The following SLMAP variants were observed in gnomAD, a reference collection of about 807,000 sequenced individuals.
SLMAP encodes the protein sarcolemmal membrane-associated protein.
In SLMAP, 44 loss-of-function variants were observed where a neutral mutation model predicts 128.8. That is an observed-to-expected ratio of 0.34 (90% CI 0.27 to 0.44). The LOEUF (loss-of-function observed/expected upper bound fraction) is 0.44. Ranked by LOEUF, SLMAP falls within the 20% of genes least tolerant of loss-of-function variation. The pLI, the probability that SLMAP is intolerant of heterozygous loss-of-function variation, is 1.00. For synonymous variants in SLMAP, 327 were observed against 348.8 expected (o/e 0.94, Z 0.70); for missense variants, 787 against 985.3 (o/e 0.80, Z 2.69).
chr3:57,888,350 C>T (rs1363765647), intron 14 of SLMAP, among the ~76,000 whole-genome samples: 1 of 152,028 alleles, frequency 6.6e-6, no homozygotes, highest in East Asian at 1.9e-4. Context: ...ATAGGCCAGG[C>T]GCAGTGGCTC....
In SLMAP at chr3:57,925,917, C is replaced by T. The variant is rs1019974032; in HGVS notation, c.2518C>T (p.Pro840Ser). ...GGCTTTCCTGTTTTGGTGTTTCGGTCCATTGTGGTAGAGAAAGGTACAAGC... is the reference window on the plus strand; with the variant it reads ...GGCTTTCCTGTTTTGGTGTTTCGGTTCATTGTGGTAGAGAAAGGTACAAGC... Reference protein sequence around the residue: ...FLAFLFWCFGPLW With the variant: ...FLAFLFWCFGSLW The change falls in exon 24 of 25, where the codon CCA (proline) becomes TCA (serine). Residue 840 changes from proline to serine, a missense_variant. Pro to Ser is a moderately conservative substitution (Grantham distance 74). Around this residue, in one of 2 missense-constraint regions of SLMAP, gnomAD observed 715 missense variants for 843.6 expected, o/e 0.85. Transcript: ENST00000671191. 74 of 1,550,730 alleles carry T rather than the reference C, an allele frequency of 4.8e-5. No individual in the cohort carries two copies. The highest frequency in any genetic ancestry group is 6.0e-5 in the Non-Finnish European group (69 of 1,146,726).
chr3:57,898,296 G>T (rs1347963245), intron 17 of SLMAP: 2 of 152,126 alleles, frequency 1.3e-5, no homozygotes, highest in East Asian at 1.9e-4. Flanking sequence ...GTAAAATGTA[G>T]TTACTGATAC....
intron 2 of SLMAP, among the ~76,000 whole-genome samples, chr3:57,786,268 G>A (rs1297986185): frequency 6.6e-6 from 1 of 152,118 alleles, no homozygotes; most frequent in Non-Finnish European, 1.5e-5. Flanking sequence ...TCCTTTCAGG[G>A]GTTCAGGCTG....
chr3:57,853,410 A>AG (rs1354243750), intron 6 of SLMAP, among the ~76,000 whole-genome samples: 3 of 152,204 alleles, frequency 2.0e-5, no homozygotes, highest in Non-Finnish European at 4.4e-5. Flanking sequence ...TTAAACCTCA[A>AG]GTACTATGTT....
chr3:57,760,915 C>T (rs1201902139), intron 2 of SLMAP, among the ~76,000 whole-genome samples: 8 of 151,942 alleles, frequency 5.3e-5, no homozygotes, highest in African/African-American at 1.9e-4. Context: ...TTAGTAGAGA[C>T]AGGGTTTCTC....
chr3:57,921,595 C>T (rs1054954038), intron 22 of SLMAP, among the ~76,000 whole-genome samples: 12 of 152,128 alleles, frequency 7.9e-5, no homozygotes, highest in Admixed American at 1.3e-4. Flanking sequence ...CACTCCACTC[C>T]AGCCTGGGTG....
At chr3:57,820,997 G>A (rs1244729505) in intron 2 of SLMAP, among the ~76,000 whole-genome samples, 1 of 152,118 alleles carries the variant, frequency 6.6e-6, no homozygotes, top group Non-Finnish European at 1.5e-5. Context: ...ATTCAACATA[G>A]GTGTCTGAGA....
chr3:57,810,632 C>T (rs748340388), intron 2 of SLMAP, among the ~76,000 whole-genome samples: 2 of 152,198 alleles, frequency 1.3e-5, no homozygotes, highest in African/African-American at 2.4e-5. Flanking sequence ...TCTGGTAAGG[C>T]ATTCATCTTC....
chr3:57,924,905 G>A (rs2096975320), intron 23 of SLMAP, among the ~76,000 whole-genome samples: 1 of 151,564 alleles, frequency 6.6e-6, no homozygotes, highest in African/African-American at 2.4e-5. Context: ...GTCAAGCAGA[G>A]AGCATCAGCT....
chr3:57,810,912 C>T (rs1385767070), intron 2 of SLMAP, among the ~76,000 whole-genome samples: 1 of 152,158 alleles, frequency 6.6e-6, no homozygotes, highest in Non-Finnish European at 1.5e-5. Flanking sequence ...TGTCCTTGGA[C>T]CTGTTGTCTA....
intron 2 of SLMAP, among the ~76,000 whole-genome samples, chr3:57,826,597 A>G (rs1375440966): frequency 6.6e-6 from 1 of 152,098 alleles, no homozygotes; most frequent in Non-Finnish European, 1.5e-5. Context: ...TGTTCTGCTT[A>G]ATTTTGGTTC....
At chr3:57,824,220 T>C (rs527978924) in intron 2 of SLMAP, among the ~76,000 whole-genome samples, 1 of 152,200 alleles carries the variant, frequency 6.6e-6, no homozygotes, top group East Asian at 1.9e-4. Context: ...GCAATTACCC[T>C]GTCTGAGGAG....
chr3:57,896,401 A>T (rs748846353), intron 15 of SLMAP, 110 bp from the exon 16 acceptor site: 2 of 1,426,238 alleles, frequency 1.4e-6, no homozygotes, highest in African/African-American at 1.5e-5. Context: ...GACCTATTTT[A>T]AAAGTACTTT....
chr3:57,869,776 G>T (rs947316474), intron 13 of SLMAP, among the ~76,000 whole-genome samples: 1 of 149,882 alleles, frequency 6.7e-6, no homozygotes, highest in Non-Finnish European at 1.5e-5. Flanking sequence ...TCATATCACT[G>T]TTTTCTTACT....
chr3:57,908,505 C>T (rs1235298122), intron 18 of SLMAP, among the ~76,000 whole-genome samples: 3 of 152,114 alleles, frequency 2.0e-5, no homozygotes, highest in Non-Finnish European at 4.4e-5. Flanking sequence ...CTTCTGGAGC[C>T]CTCATGTTCT....
intron 2 of SLMAP, among the ~76,000 whole-genome samples, chr3:57,770,375 G>C (rs2080593874): frequency 6.6e-6 from 1 of 152,170 alleles, no homozygotes; most frequent in African/African-American, 2.4e-5. Flanking sequence ...GAGTGAGTAG[G>C]GCTTTGCTAG....
chr3:57,854,831 A>G (rs2094691474), intron 6 of SLMAP, among the ~76,000 whole-genome samples: 2 of 152,200 alleles, frequency 1.3e-5, no homozygotes, highest in Non-Finnish European at 2.9e-5. Flanking sequence ...GTATACATGT[A>G]TATACTATCA....
intron 14 of SLMAP, among the ~76,000 whole-genome samples, chr3:57,874,244 G>C (rs540567630): frequency 6.6e-6 from 1 of 152,230 alleles, no homozygotes; most frequent in Admixed American, 6.5e-5. Context: ...GTGAGCTATA[G>C]TTGTGCCACT....
intron 14 of SLMAP, among the ~76,000 whole-genome samples, chr3:57,875,634 CCTA>C (rs1300856823): frequency 2.0e-5 from 3 of 152,176 alleles, no homozygotes; most frequent in African/African-American, 7.2e-5. Context: ...TAAGGAGAGG[CCTA>C]CTATTGAAAT....
Sources: gnomAD v4.1 joint callset for allele counts (sites outside exome capture counted in the v4.1 genomes callset) on GRCh38, gnomAD v4.1.1 for gene constraint, gnomAD v4.1.1 regional missense constraint, MANE v1.5 for transcripts, NCBI Gene and HGNC (gene_info 2026-07-23, HGNC 2026-07-21) for gene names.